TRIO: variants seen among roughly 807,000 people sequenced by gnomAD.
TRIO encodes the protein triple functional domain protein.
In TRIO, 58 loss-of-function variants were observed where a neutral mutation model predicts 351.9. The observed-to-expected ratio is 0.16, with a 90% CI of 0.13 to 0.21. The LOEUF (loss-of-function observed/expected upper bound fraction) is 0.21. TRIO is among the 10% of genes least tolerant of loss of function. The pLI, the probability that TRIO is intolerant of heterozygous loss-of-function variation, is 1.00. For missense variants in TRIO, 3,201 were observed against 4,027.8 expected, an observed-to-expected ratio of 0.79 and a Z score of 5.56; for synonymous variants, 1,758 against 1,595.7, an observed-to-expected ratio of 1.10 and a Z score of -2.42.
At chr5:14,503,813 G>A (rs1369865089) in intron 54 of TRIO, among the ~76,000 whole-genome samples, 1 of 152,326 alleles carries the variant, frequency 6.6e-6, no homozygotes, top group East Asian at 1.9e-4. Context: ...TGTGCAGAAT[G>A]CACTCACCCA....
chr5:14,400,850 G>T, intron 30 of TRIO, 113 bp from the exon 31 acceptor site: 1 of 874,422 alleles, frequency 1.1e-6, no homozygotes, highest in Non-Finnish European at 1.8e-6. Context: ...CACTAGTGAC[G>T]TTCTTATAAC....
chr5:14,442,757 T>G (rs1179105370), intron 34 of TRIO, among the ~76,000 whole-genome samples: 1 of 152,206 alleles, frequency 6.6e-6, no homozygotes, highest in African/African-American at 2.4e-5. Context: ...CCTAATTTAA[T>G]GTAGTAATTT....
chr5:14,319,912 T>G lies in TRIO; in HGVS notation c.1731+3169T>G, dbSNP rs115874601. On this transcript the variant is annotated intron_variant, in intron 9 of 56. Transcript: ENST00000344204. The stretch of plus-strand genomic sequence containing the variant: ...CGGGGGCCAATTCATAACTTCTGTG[T>G]AGAAGGCATTTTGGATGGTAGTCAG... Among the ~76,000 whole-genome samples, 602 of 152,292 alleles carry G rather than the reference T, an allele frequency of 4.0e-3. 4 individuals carry two copies. The highest frequency in any genetic ancestry group is 0.013 in the African/African-American group (561 of 41,560).
Position 14,266,442 on chromosome 5 carries a change from G to A in TRIO, c.158-4383G>A, listed in dbSNP as rs547097831. On this transcript the variant is annotated intron_variant, in intron 1 of 56. Coordinates refer to ENST00000344204, the MANE Select transcript of TRIO (RefSeq NM_007118.4). ...AGACATGTCCTCTGGCAAATTGGCTGATCTAGAGAAAAAGAGGCAACTATT... is the reference window on the plus strand; with the variant it reads ...AGACATGTCCTCTGGCAAATTGGCTAATCTAGAGAAAAAGAGGCAACTATT... Among the ~76,000 whole-genome samples, 10 of 152,226 alleles carry A rather than the reference G, an allele frequency of 6.6e-5. No homozygotes were observed. The South Asian group carries it at 2.1e-3, about 32-fold the overall frequency.
At chr5:14,369,135 C>T (rs1744852494) in intron 17 of TRIO, among the ~76,000 whole-genome samples, 1 of 152,124 alleles carries the variant, frequency 6.6e-6, no homozygotes, top group South Asian at 2.1e-4. Context: ...AACATAGGAC[C>T]TGAAGCACAT....
Position 14,381,245 on chromosome 5 carries a change from C to T in TRIO, c.3563C>T (p.Thr1188Ile). ...AAAGAGCACGAGGAGTTCCAGATAA[C>T]TGCAAAGGTGGGTTCAGAGTGTACT... ...LLKEHEEFQI[T>I]AKQTKERVKL... is the part of the protein sequence containing the mutation. Residue 1188 changes from threonine (T) to isoleucine (I), a missense_variant, in exon 21 of 57, where the codon ACT (threonine) becomes ATT (isoleucine). Physicochemically the swap from Thr to Ile is moderately conservative, Grantham distance 89. Transcript: ENST00000344204. The T allele has an allele frequency of 6.2e-7, 1 of 1,610,422 alleles. No homozygotes were observed. Among genetic ancestry groups the T allele is most frequent in the Non-Finnish European group, 8.5e-7 (1 of 1,178,918 alleles).
chr5:14,486,899 C>T (rs1755956297), intron 47 of TRIO, among the ~76,000 whole-genome samples: 1 of 152,132 alleles, frequency 6.6e-6, no homozygotes. Flanking sequence ...AAGGCTTTAA[C>T]ACTTCAAGAG....
rs139020766 is a variant in TRIO, at chr5:14,267,236, C to T, written c.158-3589C>T. Among the ~76,000 whole-genome samples, 258 of 152,170 alleles carry T rather than the reference C, an allele frequency of 1.7e-3. 3 individuals carry two copies. The highest frequency in any genetic ancestry group is 5.9e-3 in the African/African-American group (247 of 41,518). Reference sequence around the variant, plus strand: ...TTACCAAATTTCTCTTTGTGGCACCCCCTTCCACCTATTTAAGTAGCATTG... The same window carrying T: ...TTACCAAATTTCTCTTTGTGGCACCTCCTTCCACCTATTTAAGTAGCATTG... On this transcript the variant is annotated intron_variant, in intron 1 of 56. Transcript: ENST00000344204.
At chr5:14,331,272 G>A (rs1216300280) in intron 10 of TRIO, among the ~76,000 whole-genome samples, 1 of 152,208 alleles carries the variant, frequency 6.6e-6, no homozygotes, top group Non-Finnish European at 1.5e-5. Context: ...TTCTTTAAAT[G>A]TGTGGGCTTA....
At chr5:14,154,831 T>A (rs1280798897) in intron 1 of TRIO, among the ~76,000 whole-genome samples, 2 of 152,196 alleles carry the variant, frequency 1.3e-5, no homozygotes, top group African/African-American at 2.4e-5. Context: ...CTCTAAACAT[T>A]TACCAGTCAC....
At chr5:14,463,558 GC>G (rs960394279) in intron 36 of TRIO, among the ~76,000 whole-genome samples, 3 of 152,104 alleles carry the variant, frequency 2.0e-5, no homozygotes, top group African/African-American at 7.2e-5. Flanking sequence ...CAATTGTAGA[GC>G]CCTAAAAAAT....
intron 1 of TRIO, among the ~76,000 whole-genome samples, chr5:14,212,046 G>A (rs1252650558): frequency 6.6e-6 from 1 of 152,058 alleles, no homozygotes; most frequent in African/African-American, 2.4e-5. Flanking sequence ...GGCTGAGGTT[G>A]GAGGATCACT....
intron 1 of TRIO, among the ~76,000 whole-genome samples, chr5:14,262,906 G>A (rs1261634950): frequency 1.3e-5 from 2 of 152,228 alleles, no homozygotes; most frequent in South Asian, 4.1e-4. Context: ...CTTTGTTCCA[G>A]TGATGGACAG....
At chr5:14,504,699 A>G in intron 55 of TRIO, 106 bp downstream of exon 55, 1 of 1,377,370 alleles carries the variant, frequency 7.3e-7, no homozygotes, top group South Asian at 1.4e-5. Context: ...GGGTTTGTAG[A>G]ATTTACAGAA....
Position 14,465,560 on chromosome 5 carries a change from T to G in TRIO, c.5683T>G (p.Leu1895Val). 1 of 1,614,112 alleles carries G rather than the reference T, an allele frequency of 6.2e-7. No homozygotes were observed. The highest frequency in any genetic ancestry group is 8.5e-7 in the Non-Finnish European group (1 of 1,180,006). The change falls in exon 37 of 57, where the codon TTA (leucine) becomes GTA (valine). Residue 1895 changes from leucine (L) to valine (V), a missense_variant. Physicochemically the swap from Leu to Val is conservative, Grantham distance 32 (BLOSUM62 1). This residue lies in a region of TRIO where 307 missense variants were observed against 396.5 expected (regional missense o/e 0.77). Coordinates refer to ENST00000344204, the MANE Select transcript of TRIO (RefSeq NM_007118.4). ...TCTTCTGTAGGCCTCTTCTCGGTTA[T>G]TAGTCCGCCCCACCAGCTCCGAAAC... Reference protein sequence around the residue: ...SQDDKASSRLLVRPTSSETPS... With the variant: ...SQDDKASSRLVVRPTSSETPS...
At chr5:14,229,610 A>G (rs1274811406) in intron 1 of TRIO, among the ~76,000 whole-genome samples, 1 of 152,198 alleles carries the variant, frequency 6.6e-6, no homozygotes, top group Non-Finnish European at 1.5e-5. Context: ...ACCATTAGGA[A>G]GACAACGTTC....
intron 31 of TRIO, among the ~76,000 whole-genome samples, chr5:14,403,930 G>A (rs1430472906): frequency 6.8e-6 from 1 of 147,870 alleles, no homozygotes; most frequent in African/African-American, 2.5e-5. Flanking sequence ...AGGTGGTGGT[G>A]GTGAGGGTGC....
At chr5:14,198,798 A>G (rs1790925114) in intron 1 of TRIO, among the ~76,000 whole-genome samples, 1 of 152,186 alleles carries the variant, frequency 6.6e-6, no homozygotes, top group Non-Finnish European at 1.5e-5. Context: ...GCACCTCCAG[A>G]ATCAAAATGG....
At chr5:14,384,834 T>TA (rs1219899613) in intron 21 of TRIO, among the ~76,000 whole-genome samples, 2 of 151,488 alleles carry the variant, frequency 1.3e-5, no homozygotes, top group Non-Finnish European at 2.9e-5. Context: ...CATCTAAAGT[T>TA]AAAAATGAAA....
Sources: allele counts gnomAD v4.1 joint callset (sites outside exome capture counted in the v4.1 genomes callset), GRCh38; gene constraint gnomAD v4.1.1; regional missense constraint gnomAD v4.1.1; transcripts MANE v1.5; gene names NCBI Gene and HGNC (gene_info 2026-07-23, HGNC 2026-07-21).